The following TRARG1 variants were observed in gnomAD, a reference collection of about 807,000 sequenced individuals.
TRARG1 encodes the protein trafficking regulator of GLUT4 1.
TRARG1 carries 16 observed loss-of-function variants against 13.3 expected under a neutral mutation model. That is an observed-to-expected ratio of 1.20 (90% CI 0.81 to 1.83). The LOEUF is 1.83. TRARG1 is among the 40% of genes most tolerant of loss of function. The probability of loss-of-function intolerance (pLI) is 0.00; values close to 1 mark genes in which losing one functional copy is unlikely to be tolerated. For synonymous variants in TRARG1, 113 were observed against 106.2 expected (o/e 1.06, Z -0.39); for missense variants, 250 against 237.4 (o/e 1.05, Z -0.35).
At chr17:1,291,930 G>T (rs1193569036) in intron 1 of TRARG1, among the ~76,000 whole-genome samples, 1 of 152,182 alleles carries the variant, frequency 6.6e-6, no homozygotes, top group Non-Finnish European at 1.5e-5. Context: ...GGAAATGTAG[G>T]CCAGGCGCGG....
intron 1 of TRARG1, among the ~76,000 whole-genome samples, chr17:1,286,512 G>GTTT (rs111704737): frequency 6.8e-6 from 1 of 147,260 alleles, no homozygotes; most frequent in East Asian, 2.1e-4. Flanking sequence ...CCTGTGGGGT[G>GTTT]TTATCGGCCT....
At position 1,300,449 on chromosome 17, in the gene TRARG1, T is replaced by TACAC. The variant is rs10625360; in HGVS notation, c.*2206_*2209dup. On this transcript the variant is annotated 3_prime_UTR_variant, in exon 3 of 3. Transcript: ENST00000333813. ...ACAAATAGGCTCTGCCGTGCACTCC[T>TACAC]ACACACACACACACACACACACACG... The TACAC allele has an allele frequency of 0.067, 10,054 of 149,522 alleles. 479 individuals are homozygous for TACAC. Among genetic ancestry groups the TACAC allele is most frequent in the Middle Eastern group, 0.14 (39 of 286 alleles). 9.3% of individuals were successfully genotyped at this position (149,522 alleles called of 1,614,324 possible). A position where few individuals can be genotyped will look rare whatever the true frequency, so the allele number is the denominator to read the frequency against.
chr17:1,287,991 C>T (rs974172293), intron 1 of TRARG1, among the ~76,000 whole-genome samples: 2 of 151,974 alleles, frequency 1.3e-5, no homozygotes, highest in Non-Finnish European at 2.9e-5. Context: ...GCCCTCCCCA[C>T]TCTGTCCACA....
chr17:1,279,724 C>A lies in TRARG1; in HGVS notation c.-278C>A. On this transcript the variant is annotated 5_prime_UTR_variant, in exon 1 of 3. Transcript: ENST00000333813. ...CCCTGCCCATCTGTGCTCTCAGCAG[C>A]ACCAGCAAAGTTGGCCTCAAACTTG... 1 of 447,804 alleles carries A rather than the reference C, an allele frequency of 2.2e-6. No individual in the cohort carries two copies. Among genetic ancestry groups the A allele is most frequent in the Non-Finnish European group, 4.0e-6 (1 of 249,804 alleles). The allele number at this position is 447,804 out of a possible 1,614,324, so 27.7% of individuals were successfully genotyped here.
In TRARG1 at chr17:1,295,605, G is replaced by A. The variant is rs372589098; in HGVS notation, c.502G>A (p.Val168Met). The change falls in exon 2 of 3, where the codon GTG becomes ATG. Residue 168 changes from valine (V) to methionine (M), a missense_variant. Physicochemically the swap from Val to Met is conservative, Grantham distance 21 (BLOSUM62 1). Coordinates refer to ENST00000333813, the MANE Select transcript of TRARG1 (RefSeq NM_172367.3). The stretch of plus-strand genomic sequence containing the variant: ...GGGCATCGTCATTATCATGGTGGCC[G>A]TGACCGTCAACTTCACAGGTGAGAC... ...IMGIVIIMVA[V>M]TVNFTVQKK is the part of the protein sequence containing the mutation. 1.9e-5 allele frequency: 31 copies of A among 1,611,970 alleles called. No individual in the cohort carries two copies. The highest frequency in any genetic ancestry group is 2.7e-5 in the African/African-American group (2 of 74,902).
At chr17:1,282,578 C>T (rs570549947) in intron 1 of TRARG1, among the ~76,000 whole-genome samples, 1 of 151,620 alleles carries the variant, frequency 6.6e-6, no homozygotes, top group African/African-American at 2.4e-5. Flanking sequence ...ACCATGTTGG[C>T]CAGGCTGGTC....
At chr17:1,281,382 T>C (rs945262235) in intron 1 of TRARG1, among the ~76,000 whole-genome samples, 2 of 135,878 alleles carry the variant, frequency 1.5e-5, no homozygotes, top group African/African-American at 2.7e-5. Flanking sequence ...TGGAGGGGGG[T>C]TCCCAAGAGT....
chr17:1,282,233 T>C lies in TRARG1; in HGVS notation c.387+1845T>C, dbSNP rs550633261. Among the ~76,000 whole-genome samples, 503 of 123,964 alleles carry C rather than the reference T, an allele frequency of 4.1e-3. 22 individuals carry two copies. Among genetic ancestry groups the C allele is most frequent in the African/African-American group, 8.9e-3 (272 of 30,516 alleles). 81.3% of individuals were successfully genotyped at this position (123,964 alleles called of 152,430 possible). On this transcript the variant is annotated intron_variant, in intron 1 of 2. Coordinates refer to ENST00000333813, the MANE Select transcript of TRARG1 (RefSeq NM_172367.3). The stretch of plus-strand genomic sequence containing the variant: ...ATGTACGTATACACGTGCGTATATG[T>C]ACGTATATGCACGTATATGTACGTA...
chr17:1,280,288 A>T lies in TRARG1; in HGVS notation c.287A>T (p.Gln96Leu), dbSNP rs372563106. ...ASSIATTSYA[Q>L]DQEAPRDYLI... ...TCCATCGCCACCACCTCCTATGCCC[A>T]AGACCAAGAAGCCCCCAGAGATTAC... Residue 96 changes from glutamine to leucine, a missense_variant, in exon 1 of 3, where the codon CAA (glutamine) becomes CTA (leucine). Physicochemically the swap from Gln to Leu is moderately radical, Grantham distance 113. Transcript: ENST00000333813. 12 of 1,614,032 alleles carry T rather than the reference A, an allele frequency of 7.4e-6. No homozygotes were observed. The highest frequency in any genetic ancestry group is 1.0e-5 in the Non-Finnish European group (12 of 1,179,982).
At chr17:1,294,739 G>A (rs1231720760) in intron 1 of TRARG1, among the ~76,000 whole-genome samples, 2 of 148,986 alleles carry the variant, frequency 1.3e-5, no homozygotes, top group Non-Finnish European at 3.0e-5. Context: ...AGGCTAGGGT[G>A]CAGTGGCACA....
chr17:1,293,056 T>C (rs2072083931), intron 1 of TRARG1, among the ~76,000 whole-genome samples: 1 of 151,928 alleles, frequency 6.6e-6, no homozygotes, highest in African/African-American at 2.4e-5. Context: ...GGGAGGCCAA[T>C]GTGGGCAGAT....
Position 1,279,866 on chromosome 17 carries a change from G to A in TRARG1, c.-136G>A, listed in dbSNP as rs982280561. ...AGCCCAACCCTTCCAGCACCCAGCC[G>A]GCCCTCCGTCTCCTGAGGGACGCCC... On this transcript the variant is annotated 5_prime_UTR_variant, in exon 1 of 3. Coordinates refer to ENST00000333813, the MANE Select transcript of TRARG1 (RefSeq NM_172367.3). The A allele has an allele frequency of 7.7e-5, 78 of 1,015,716 alleles. No individual in the cohort carries two copies. Among genetic ancestry groups the A allele is most frequent in the South Asian group, 1.5e-4 (8 of 53,636 alleles). The allele number at this position is 1,015,716 out of a possible 1,614,324, so 62.9% of individuals were successfully genotyped here.
intron 1 of TRARG1, among the ~76,000 whole-genome samples, chr17:1,287,522 G>A (rs1467783819): frequency 2.0e-5 from 3 of 151,824 alleles, no homozygotes; most frequent in East Asian, 1.9e-4. Flanking sequence ...TACCACGCCT[G>A]GCTAATTTTT....
rs1213577917 is a variant in TRARG1 at position 1,300,044 on chromosome 17, G to C, written c.*1780G>C. On this transcript the variant is annotated 3_prime_UTR_variant, in exon 3 of 3. Coordinates refer to ENST00000333813, the MANE Select transcript of TRARG1 (RefSeq NM_172367.3). ...GGTGTTCCTACGTCAGTCCCCACCTGGGGAATAAACTCCAGCCTCTCCTGC... is the reference window on the plus strand; with the variant it reads ...GGTGTTCCTACGTCAGTCCCCACCTCGGGAATAAACTCCAGCCTCTCCTGC... 2 of 152,268 alleles carry C rather than the reference G, an allele frequency of 1.3e-5. No individual in the cohort carries two copies. The highest frequency in any genetic ancestry group is 2.9e-5 in the Non-Finnish European group (2 of 68,086). The allele number at this position is 152,268 out of a possible 1,614,324, so 9.4% of individuals were successfully genotyped here.
intron 2 of TRARG1, among the ~76,000 whole-genome samples, chr17:1,296,289 C>T (rs1469101250): frequency 2.0e-5 from 3 of 151,984 alleles, no homozygotes; most frequent in Non-Finnish European, 2.9e-5. Flanking sequence ...CTCCGCCTTC[C>T]GGGTTCAAGT....
At chr17:1,284,079 C>T (rs1327427810) in intron 1 of TRARG1, among the ~76,000 whole-genome samples, 2 of 151,108 alleles carry the variant, frequency 1.3e-5, no homozygotes, top group African/African-American at 2.4e-5. Context: ...GGTGCCACTG[C>T]ACTCCAGCCT....
chr17:1,282,242 G>GTA (rs1491141723), intron 1 of TRARG1, among the ~76,000 whole-genome samples: 10,757 of 120,846 alleles, frequency 0.089, 1,117 homozygotes, highest in East Asian at 0.16. Flanking sequence ...GTACGTATAT[G>GTA]CACGTATATG....
At chr17:1,292,476 C>G (rs1163497533) in intron 1 of TRARG1, among the ~76,000 whole-genome samples, 1 of 152,338 alleles carries the variant, frequency 6.6e-6, no homozygotes, top group East Asian at 1.9e-4. Flanking sequence ...CGAGCCCTGC[C>G]TGGCCTAGCC....
chr17:1,283,318 G>A (rs1398769951), intron 1 of TRARG1, among the ~76,000 whole-genome samples: 1 of 152,170 alleles, frequency 6.6e-6, no homozygotes. Flanking sequence ...AGGGTGTGGG[G>A]CTCTTACAGG....
Sources: allele counts gnomAD v4.1 joint callset (sites outside exome capture counted in the v4.1 genomes callset), GRCh38; gene constraint gnomAD v4.1.1; transcripts MANE v1.5; gene names NCBI Gene and HGNC (gene_info 2026-07-23, HGNC 2026-07-21).